TRIO: variants seen among roughly 807,000 people sequenced by gnomAD.
TRIO encodes the protein trio Rho guanine nucleotide exchange factor, also known as triple functional domain protein.
A neutral mutation model predicts 351.9 loss-of-function variants in TRIO; 58 were observed. The ratio of observed to expected loss-of-function variants is 0.16; its 90% CI spans 0.13 to 0.21. The LOEUF is 0.21. Ranked by LOEUF, TRIO falls within the 10% of genes least tolerant of loss-of-function variation. TRIO has a pLI of 1.00. For synonymous variants in TRIO, 1,758 were observed against 1,595.7 expected (o/e 1.10, Z -2.42); for missense variants, 3,201 against 4,027.8 (o/e 0.79, Z 5.56).
intron 1 of TRIO, among the ~76,000 whole-genome samples, chr5:14,239,273 C>A (rs971999041): frequency 6.8e-6 from 1 of 147,800 alleles, no homozygotes; most frequent in South Asian, 2.1e-4. Context: ...AACCTCCCCT[C>A]CCCCCCATTC....
intron 34 of TRIO, among the ~76,000 whole-genome samples, chr5:14,448,550 G>C (rs1294963470): frequency 1.3e-5 from 2 of 152,238 alleles, no homozygotes; most frequent in African/African-American, 4.8e-5. Flanking sequence ...GGGGCTCGAT[G>C]CGGGCAGTGG....
intron 1 of TRIO, among the ~76,000 whole-genome samples, chr5:14,204,537 G>A (rs890808298): frequency 2.0e-5 from 3 of 152,084 alleles, no homozygotes; most frequent in Admixed American, 1.3e-4. Flanking sequence ...TAGGTCTTAC[G>A]GGAATGTGTA....
intron 53 of TRIO, among the ~76,000 whole-genome samples, chr5:14,500,933 G>A (rs569372361): frequency 6.7e-6 from 1 of 150,280 alleles, no homozygotes; most frequent in African/African-American, 2.4e-5. Flanking sequence ...AAAAAGAAAG[G>A]TGTGTTTTAG....
At chr5:14,384,062 G>A (rs1288603491) in intron 21 of TRIO, among the ~76,000 whole-genome samples, 3 of 152,188 alleles carry the variant, frequency 2.0e-5, no homozygotes, top group African/African-American at 4.8e-5. Flanking sequence ...GGGTCTTGCA[G>A]GCACCACCTG....
intron 33 of TRIO, among the ~76,000 whole-genome samples, chr5:14,417,097 C>A (rs1182127684): frequency 1.3e-5 from 2 of 152,248 alleles, no homozygotes; most frequent in Non-Finnish European, 2.9e-5. Flanking sequence ...GGACTAACCA[C>A]TCCATGAGTG....
At chr5:14,146,095 C>T (rs936582630) in intron 1 of TRIO, among the ~76,000 whole-genome samples, 3 of 151,704 alleles carry the variant, frequency 2.0e-5, no homozygotes, top group African/African-American at 7.3e-5. Flanking sequence ...TTGGGCAGCT[C>T]TGAGTCCCTG....
intron 48 of TRIO, among the ~76,000 whole-genome samples, chr5:14,491,867 C>T (rs1756513182): frequency 6.6e-6 from 1 of 152,164 alleles, no homozygotes; most frequent in Non-Finnish European, 1.5e-5. Flanking sequence ...GATATGTTCC[C>T]ATGGCAGCAG....
At chr5:14,207,647 C>T (rs756261139) in intron 1 of TRIO, among the ~76,000 whole-genome samples, 3 of 151,810 alleles carry the variant, frequency 2.0e-5, no homozygotes, top group Non-Finnish European at 4.4e-5. Flanking sequence ...TTCAAGGTTA[C>T]AGTGAGCTGT....
At chr5:14,262,117 A>G (rs1445820020) in intron 1 of TRIO, among the ~76,000 whole-genome samples, 2 of 152,258 alleles carry the variant, frequency 1.3e-5, no homozygotes, top group African/African-American at 4.8e-5. Flanking sequence ...CAGTCTGCTC[A>G]GTGAGACTGC....
chr5:14,298,917 G>A (rs541822146), intron 7 of TRIO, among the ~76,000 whole-genome samples: 9 of 152,284 alleles, frequency 5.9e-5, no homozygotes, highest in African/African-American at 2.2e-4. Context: ...AGCCATCTCC[G>A]ATCCTTATCG....
chr5:14,503,417 G>C (rs536812167), intron 54 of TRIO, among the ~76,000 whole-genome samples: 2 of 152,250 alleles, frequency 1.3e-5, no homozygotes, highest in Non-Finnish European at 2.9e-5. Context: ...TTAGGACAGT[G>C]GTGACATGTG....
intron 5 of TRIO, among the ~76,000 whole-genome samples, chr5:14,292,247 G>C (rs1736979044): frequency 1.3e-5 from 2 of 152,210 alleles, no homozygotes; most frequent in African/African-American, 4.8e-5. Flanking sequence ...TAATGTATCT[G>C]TCAGTGTTCT....
intron 1 of TRIO, among the ~76,000 whole-genome samples, chr5:14,228,887 A>G (rs1014037183): frequency 3.9e-5 from 6 of 152,190 alleles, no homozygotes; most frequent in Non-Finnish European, 8.8e-5. Flanking sequence ...AAAGAAAAGA[A>G]AAAAGAATAT....
At chr5:14,330,527 A>G (rs1277127154) in intron 9 of TRIO, among the ~76,000 whole-genome samples, 1 of 152,250 alleles carries the variant, frequency 6.6e-6, no homozygotes, top group African/African-American at 2.4e-5. Context: ...CAATGTTTAT[A>G]CATAGAAAGG....
At chr5:14,437,754 C>T (rs758291083) in intron 34 of TRIO, among the ~76,000 whole-genome samples, 2 of 149,036 alleles carry the variant, frequency 1.3e-5, no homozygotes, top group South Asian at 2.1e-4. Context: ...AAAGCACAGT[C>T]GCATTCCAAG....
chr5:14,219,317 ACT>A (rs1792441513), intron 1 of TRIO, among the ~76,000 whole-genome samples: 1 of 151,748 alleles, frequency 6.6e-6, no homozygotes, highest in African/African-American at 2.4e-5. Context: ...GAGTAGGAGA[ACT>A]CCATTTAGAT....
At chr5:14,353,179 A>G (rs1743292665) in intron 11 of TRIO, among the ~76,000 whole-genome samples, 1 of 152,182 alleles carries the variant, frequency 6.6e-6, no homozygotes. Context: ...TATTATTAGA[A>G]GAGTTTTTCT....
chr5:14,451,939 C>G lies in TRIO; in HGVS notation c.5204-9080C>G, dbSNP rs147766124. ...AATATCTGTCTTTAACATAAGCTAG[C>G]TAAAATCCTTTGGGGGAGACAGCGT... On this transcript the variant is annotated intron_variant, in intron 34 of 56. Transcript: ENST00000344204. 3.6e-3 allele frequency among the ~76,000 whole-genome samples: 554 copies of G among 152,336 alleles called. 4 individuals carry two copies. Among genetic ancestry groups the G allele is most frequent in the African/African-American group, 0.013 (528 of 41,580 alleles).
chr5:14,214,589 A>G (rs1004996995), intron 1 of TRIO, among the ~76,000 whole-genome samples: 3 of 152,248 alleles, frequency 2.0e-5, no homozygotes, highest in East Asian at 3.8e-4. Flanking sequence ...ATTAGCATCT[A>G]CCGTAGCTCA....
Sources: gnomAD v4.1 joint callset for allele counts (sites outside exome capture counted in the v4.1 genomes callset) on GRCh38, gnomAD v4.1.1 for gene constraint, MANE v1.5 for transcripts, NCBI Gene and HGNC (gene_info 2026-07-23, HGNC 2026-07-21) for gene names.